GPD1L: variants seen among roughly 807,000 people sequenced by gnomAD.
The protein encoded by GPD1L is glycerol-3-phosphate dehydrogenase 1-like protein.
Under a neutral mutation model 32.9 loss-of-function variants are expected in GPD1L, and 17 were observed. The observed-to-expected ratio is 0.52, with a 90% CI of 0.35 to 0.78. GPD1L has a LOEUF of 0.78. GPD1L is among the 30% of genes least tolerant of loss of function. The probability of loss-of-function intolerance (pLI) is 0.01; values close to 1 mark genes in which losing one functional copy is unlikely to be tolerated. For synonymous variants in GPD1L, 187 were observed against 165.9 expected, an observed-to-expected ratio of 1.13 and a Z score of -0.98; for missense variants, 361 against 447.8, an observed-to-expected ratio of 0.81 and a Z score of 1.75.
At position 32,106,804 on chromosome 3, in the gene GPD1L, G is replaced by T; in HGVS notation, c.47+46G>T. 1 of 1,531,030 alleles carries T rather than the reference G, an allele frequency of 6.5e-7. No homozygotes were observed. Among genetic ancestry groups the T allele is most frequent in the East Asian group, 2.6e-5 (1 of 38,146 alleles). 94.8% of individuals were successfully genotyped at this position (1,531,030 alleles called of 1,614,324 possible). On this transcript the variant is annotated intron_variant, in intron 1 of 7. Transcript: ENST00000282541. This position sits in a 1 kb window ranked among gnomAD's most constrained non-coding sequence, Gnocchi z 4.0. ...GGCCGGGGCTCCGCTTCCAGGAAGCGCCTCTCCCGGGCGGTGAGGGCTGCG... is the reference window on the plus strand; with the variant it reads ...GGCCGGGGCTCCGCTTCCAGGAAGCTCCTCTCCCGGGCGGTGAGGGCTGCG...
intron 7 of GPD1L, among the ~76,000 whole-genome samples, chr3:32,162,097 C>G (rs10865842): frequency 2.0e-5 from 3 of 152,020 alleles, no homozygotes; most frequent in Admixed American, 2.0e-4. Flanking sequence ...CTTATTAGCC[C>G]TGTGGCCTTG....
chr3:32,140,291 A>T lies in GPD1L; in HGVS notation c.430A>T (p.Ile144Phe). Residue 144 changes from isoleucine to phenylalanine, a missense_variant, in exon 4 of 8, where the codon ATT becomes TTT. Transcript: ENST00000282541. ...TGACATCATCCGTGAGAAGATGGGT[A>T]TTGACATCAGTGTGCTGATGGGAGC... ...ISDIIREKMG[I>F]DISVLMGANI... The T allele has an allele frequency of 6.2e-7, 1 of 1,613,962 alleles. No individual in the cohort carries two copies. The highest frequency in any genetic ancestry group is 8.5e-7 in the Non-Finnish European group (1 of 1,179,886).
Position 32,143,358 on chromosome 3 carries a change from C to T in GPD1L, c.505+2992C>T, listed in dbSNP as rs529442129. On this transcript the variant is annotated intron_variant, in intron 4 of 7. Coordinates refer to ENST00000282541, the MANE Select transcript of GPD1L (RefSeq NM_015141.4). ...CTCCTGCCTCAGCCTGCTGATGTAC[C>T]GGGATTACAGGTGCGAGCCACTGTG... Among the ~76,000 whole-genome samples, 176 of 152,152 alleles carry T rather than the reference C, an allele frequency of 1.2e-3. 2 individuals are homozygous for T. The highest frequency in any genetic ancestry group is 4.1e-3 in the African/African-American group (172 of 41,508).
intron 1 of GPD1L, among the ~76,000 whole-genome samples, chr3:32,115,137 CA>C (rs1386928975): frequency 6.6e-6 from 1 of 152,178 alleles, no homozygotes; most frequent in Non-Finnish European, 1.5e-5. Flanking sequence ...GTCCGTTTTA[CA>C]GAGTGCTGAT....
chr3:32,142,745 A>C (rs1254006014), intron 4 of GPD1L, among the ~76,000 whole-genome samples: 1 of 152,214 alleles, frequency 6.6e-6, no homozygotes, highest in African/African-American at 2.4e-5. Flanking sequence ...TGTTTGTTGT[A>C]GGAAAGTTTC....
intron 2 of GPD1L, among the ~76,000 whole-genome samples, chr3:32,129,757 T>A (rs1700559723): frequency 6.6e-6 from 1 of 152,190 alleles, no homozygotes; most frequent in Admixed American, 6.5e-5. Flanking sequence ...AGAAGTTAAG[T>A]TGTCCAAATA....
intron 1 of GPD1L, among the ~76,000 whole-genome samples, chr3:32,127,347 C>T (rs1700525232): frequency 2.6e-5 from 4 of 152,358 alleles, no homozygotes; most frequent in Non-Finnish European, 5.9e-5. Flanking sequence ...CCCACCATGG[C>T]CCCATCAGCA....
chr3:32,146,474 T>C (rs1700827724), intron 4 of GPD1L, 148 bp from the exon 5 acceptor site: 1 of 651,976 alleles, frequency 1.5e-6, no homozygotes, highest in Non-Finnish European at 2.8e-6. Flanking sequence ...ATATTTTTAC[T>C]TTATTTCTGC....
chr3:32,145,362 T>C (rs561829166), intron 4 of GPD1L, among the ~76,000 whole-genome samples: 91 of 152,210 alleles, frequency 6.0e-4, no homozygotes, highest in African/African-American at 2.0e-3. Context: ...TGATTTAAGG[T>C]AATAAATTTT....
chr3:32,141,942 C>G (rs540102439), intron 4 of GPD1L, among the ~76,000 whole-genome samples: 1 of 152,194 alleles, frequency 6.6e-6, no homozygotes, highest in Middle Eastern at 3.4e-3. Flanking sequence ...CAATCCTTCC[C>G]TCCTTTCTCT....
At chr3:32,125,187 A>G (rs1471764651) in intron 1 of GPD1L, among the ~76,000 whole-genome samples, 3 of 152,094 alleles carry the variant, frequency 2.0e-5, no homozygotes, top group Admixed American at 6.6e-5. Flanking sequence ...CACATTGCCA[A>G]TCCCTGGGTG....
Position 32,106,722 on chromosome 3 carries a change from C to A in GPD1L, c.11C>A (p.Ala4Glu). Residue 4 changes from alanine to glutamate, a missense_variant, in exon 1 of 8, where the codon GCG becomes GAG. Ala to Glu is a moderately radical substitution (Grantham distance 107, BLOSUM62 -1). Transcript: ENST00000282541. The surrounding 1 kb of genome is among the most constrained non-coding windows in gnomAD (Gnocchi z 4.0). ...ACATTCGGCCCGGCCATGGCAGCGG[C>A]GCCCCTGAAAGTGTGCATCGTGGGC... MAAAPLKVCIVGSG... is the reference protein window; with the variant it reads MAAEPLKVCIVGSG... The A allele has an allele frequency of 6.4e-7, 1 of 1,563,388 alleles. No homozygotes were observed.
intron 5 of GPD1L, among the ~76,000 whole-genome samples, chr3:32,147,783 AGGT>A (rs1294810900): frequency 6.6e-6 from 1 of 152,216 alleles, no homozygotes; most frequent in Non-Finnish European, 1.5e-5. Flanking sequence ...GGAGTTGCAA[AGGT>A]GGAAAGAATG....
intron 5 of GPD1L, among the ~76,000 whole-genome samples, chr3:32,156,054 C>T (rs1575121399): frequency 6.6e-6 from 1 of 152,172 alleles, no homozygotes; most frequent in Non-Finnish European, 1.5e-5. Flanking sequence ...CTGGCTGTCC[C>T]ATCCTGACTC....
intron 4 of GPD1L, among the ~76,000 whole-genome samples, chr3:32,140,625 C>T (rs772523207): frequency 1.3e-5 from 2 of 152,156 alleles, no homozygotes; most frequent in African/African-American, 4.8e-5. Flanking sequence ...TAATGAATTA[C>T]TGAGGTTAAA....
intron 5 of GPD1L, among the ~76,000 whole-genome samples, chr3:32,156,762 G>A (rs1478843317): frequency 6.6e-6 from 1 of 152,196 alleles, no homozygotes; most frequent in South Asian, 2.1e-4. Context: ...CTGTGTACTA[G>A]AGAAGACATT....
chr3:32,139,521 T>A (rs933534261), intron 3 of GPD1L, among the ~76,000 whole-genome samples: 4 of 152,214 alleles, frequency 2.6e-5, no homozygotes, highest in Non-Finnish European at 5.9e-5. Context: ...TTTATGCATA[T>A]GAAATTCTGA....
At position 32,166,275 on chromosome 3, in the gene GPD1L, G is replaced by T; in HGVS notation, c.*365G>T. ...AGGTGTAATTCATATGTATTTGAGT[G>T]GAGGATTTTTTTTCTCATTTTTCTA... On this transcript the variant is annotated 3_prime_UTR_variant, in exon 8 of 8. Coordinates refer to ENST00000282541, the MANE Select transcript of GPD1L (RefSeq NM_015141.4). 2 of 301,906 alleles carry T rather than the reference G, an allele frequency of 6.6e-6. No individual in the cohort carries two copies. The highest frequency in any genetic ancestry group is 6.3e-6 in the Non-Finnish European group (1 of 157,550). The allele number at this position is 301,906 out of a possible 1,614,324, so 18.7% of individuals were successfully genotyped here.
At chr3:32,138,795 C>A in intron 3 of GPD1L, 68 bp downstream of exon 3, 1 of 1,501,992 alleles carries the variant, frequency 6.7e-7, no homozygotes, top group Non-Finnish European at 9.3e-7. Context: ...CTCACACTTT[C>A]ATCTGCTTGA....
Sources: gnomAD v4.1 joint callset for allele counts (sites outside exome capture counted in the v4.1 genomes callset) on GRCh38, gnomAD v4.1.1 for gene constraint, Gnocchi (gnomAD v3.1) non-coding constraint, MANE v1.5 for transcripts, NCBI Gene and HGNC (gene_info 2026-07-23, HGNC 2026-07-21) for gene names.